TENM3: variants seen among roughly 807,000 people sequenced by gnomAD.
The protein encoded by TENM3 is teneurin transmembrane protein 3.
In TENM3, 63 loss-of-function variants were observed where a neutral mutation model predicts 255.1. The ratio of observed to expected loss-of-function variants is 0.25; its 90% CI spans 0.20 to 0.30. The LOEUF (loss-of-function observed/expected upper bound fraction) is 0.30. Among genes scored for constraint, TENM3 ranks in the 10% least tolerant of loss-of-function variants. TENM3 has a pLI of 1.00. For synonymous variants in TENM3, 1,306 were observed against 1,322.3 expected (o/e 0.99, Z 0.27); for missense variants, 2,929 against 3,461.1 (o/e 0.85, Z 3.86).
At chr4:181,993,954 G>A in the TENM3 span, among the ~76,000 whole-genome samples, 10 of 152,068 alleles carry the variant, frequency 6.6e-5, no homozygotes, top group Admixed American at 1.3e-4. Flanking sequence ...TATTAAGAGT[G>A]AGTTTGCTTT....
the TENM3 span, among the ~76,000 whole-genome samples, chr4:181,923,266 A>ATC: frequency 2.6e-5 from 4 of 151,506 alleles, no homozygotes; most frequent in Non-Finnish European, 5.9e-5. Flanking sequence ...TGGTGCAATT[A>ATC]TTAAACCAAA....
chr4:181,717,786 T>C, the TENM3 span, among the ~76,000 whole-genome samples: 5 of 152,178 alleles, frequency 3.3e-5, 1 homozygote, highest in South Asian at 6.2e-4. Context: ...TACTGAACGA[T>C]GTGGCACAAA....
chr4:182,549,477 G>A (rs1402519599), intron 3 of TENM3, among the ~76,000 whole-genome samples: 1 of 152,052 alleles, frequency 6.6e-6, no homozygotes, highest in Non-Finnish European at 1.5e-5. Context: ...CTCTTTAAGC[G>A]CTTAGCTTTT....
At chr4:181,490,628 C>T in the TENM3 span, among the ~76,000 whole-genome samples, 2 of 152,148 alleles carry the variant, frequency 1.3e-5, no homozygotes, top group Admixed American at 1.3e-4. Flanking sequence ...GAAACTCTTC[C>T]TCATTTTATG....
At chr4:182,117,153 G>A in the TENM3 span, among the ~76,000 whole-genome samples, 1 of 152,134 alleles carries the variant, frequency 6.6e-6, no homozygotes, top group African/African-American at 2.4e-5. Flanking sequence ...TTATTGTTGA[G>A]TTTTAGGTAT....
the TENM3 span, among the ~76,000 whole-genome samples, chr4:181,529,745 C>A: frequency 2.2e-4 from 34 of 152,312 alleles, no homozygotes; most frequent in Admixed American, 1.8e-3. Flanking sequence ...TGGCCAGGGG[C>A]AAACATTCGC....
At chr4:181,717,668 G>A in the TENM3 span, among the ~76,000 whole-genome samples, 1 of 152,188 alleles carries the variant, frequency 6.6e-6, no homozygotes, top group African/African-American at 2.4e-5. Context: ...ACCTAGAAAT[G>A]TCCAGATTCT....
chr4:181,583,486 C>T, the TENM3 span, among the ~76,000 whole-genome samples: 1 of 152,176 alleles, frequency 6.6e-6, no homozygotes, highest in African/African-American at 2.4e-5. Flanking sequence ...TGTATATCCA[C>T]CCTAATTATA....
the TENM3 span, among the ~76,000 whole-genome samples, chr4:181,872,505 G>T: frequency 1.3e-5 from 2 of 151,928 alleles, no homozygotes; most frequent in Non-Finnish European, 2.9e-5. Context: ...CCCAGTGTGT[G>T]TTGTTCCCCT....
the TENM3 span, among the ~76,000 whole-genome samples, chr4:181,753,696 G>T: frequency 6.6e-6 from 1 of 152,134 alleles, no homozygotes; most frequent in African/African-American, 2.4e-5. Flanking sequence ...AGACACTATG[G>T]GTAACATTAG....
the TENM3 span, among the ~76,000 whole-genome samples, chr4:181,602,476 T>G: frequency 9.8e-5 from 15 of 152,340 alleles, no homozygotes; most frequent in Non-Finnish European, 1.6e-4. Flanking sequence ...AGATTTTTTT[T>G]GAGTCATTAG....
the TENM3 span, among the ~76,000 whole-genome samples, chr4:181,463,484 G>A: frequency 1.3e-5 from 2 of 152,014 alleles, no homozygotes; most frequent in East Asian, 1.9e-4. Context: ...CACTCAACTG[G>A]ATGTCTCTCT....
chr4:182,086,316 A>G, the TENM3 span, among the ~76,000 whole-genome samples: 1 of 152,192 alleles, frequency 6.6e-6, no homozygotes, highest in African/African-American at 2.4e-5. Flanking sequence ...AAACCTCTAT[A>G]CAGTGCAGGA....
At chr4:181,787,880 A>G in the TENM3 span, among the ~76,000 whole-genome samples, 29 of 152,272 alleles carry the variant, frequency 1.9e-4, no homozygotes, top group Non-Finnish European at 1.5e-5. Flanking sequence ...GGGCAACTGT[A>G]GTCCGCACAA....
chr4:181,463,159 A>G, the TENM3 span, among the ~76,000 whole-genome samples: 1 of 151,992 alleles, frequency 6.6e-6, no homozygotes, highest in Non-Finnish European at 1.5e-5. Flanking sequence ...CCTCCCACCC[A>G]TGGCCCTTTT....
rs373237357 is a variant in TENM3 at position 182,751,980 on chromosome 4, G to A, written c.3810G>A (p.Ala1270=). ...AGCAATGCCTTCCGTTTGACGAGGC[G>A]AGATGTGGGGATGGAGGGAAGGCCG... The part of the protein sequence containing the change: ...TGEQCLPFDE[A]RCGDGGKAVE... The change falls in exon 20 of 28, where the codon GCG becomes GCA. Residue 1270 remains alanine (A), a synonymous_variant. Transcript: ENST00000511685. 1,209 of 1,613,348 alleles carry A rather than the reference G, an allele frequency of 7.5e-4. 3 individuals carry two copies. The highest frequency in any genetic ancestry group is 2.9e-3 in the South Asian group (267 of 91,044).
chr4:182,486,924 A>C (rs1734796861), intron 3 of TENM3, among the ~76,000 whole-genome samples: 1 of 152,204 alleles, frequency 6.6e-6, no homozygotes, highest in Admixed American at 6.5e-5. Context: ...AAAGACATCC[A>C]GTTCCTGGCA....
At chr4:181,909,108 C>T in the TENM3 span, among the ~76,000 whole-genome samples, 216 of 152,218 alleles carry the variant, frequency 1.4e-3, no homozygotes, top group South Asian at 7.9e-3. Flanking sequence ...GAATTTCTCT[C>T]GACTATTTTA....
the TENM3 span, among the ~76,000 whole-genome samples, chr4:181,579,526 G>A: frequency 6.6e-6 from 1 of 152,182 alleles, no homozygotes. Flanking sequence ...AAGGTTGATT[G>A]GATTCCATCT....
Sources: allele counts gnomAD v4.1 joint callset (sites outside exome capture counted in the v4.1 genomes callset), GRCh38; gene constraint gnomAD v4.1.1; transcripts MANE v1.5; gene names NCBI Gene and HGNC (gene_info 2026-07-23, HGNC 2026-07-21).